TPR: variants seen among roughly 807,000 people sequenced by gnomAD.
TPR encodes translocated promoter region, nuclear basket protein, also known as nucleoprotein TPR.
In TPR, 51 loss-of-function variants were observed where a neutral mutation model predicts 316.1. The observed-to-expected ratio is 0.16, with a 90% confidence interval of 0.13 to 0.20. The LOEUF (loss-of-function observed/expected upper bound fraction) is 0.20. Ranked by LOEUF, TPR falls within the 10% of genes least tolerant of loss-of-function variation. The pLI is 1.00. For synonymous variants in TPR, 981 were observed against 914.7 expected (o/e 1.07, Z -1.31); for missense variants, 2,272 against 2,754.8 (o/e 0.82, Z 3.92).
chr1:186,348,378 T>C (rs887737570), intron 21 of TPR, among the ~76,000 whole-genome samples: 6 of 152,130 alleles, frequency 3.9e-5, no homozygotes, highest in Non-Finnish European at 8.8e-5. Context: ...AAATTTGTGG[T>C]CAGACCGGTT....
At chr1:186,315,206 C>CAA (rs200336536) in intron 49 of TPR, among the ~76,000 whole-genome samples, 20 of 111,080 alleles carry the variant, frequency 1.8e-4, no homozygotes, top group Non-Finnish European at 2.4e-4. Flanking sequence ...GGCCCTGTCT[C>CAA]AAAAAAAAAA....
At chr1:186,361,948 C>T (rs945551388) in intron 7 of TPR, 79 bp from the exon 8 acceptor site, 28 of 1,430,166 alleles carry the variant, frequency 2.0e-5, no homozygotes, top group Non-Finnish European at 2.2e-5. Context: ...ATGAAAAATT[C>T]CATTTTTGTA....
chr1:186,350,208 A>C lies in TPR; in HGVS notation c.2776+15T>G, dbSNP rs1289804304. On this transcript the variant is annotated intron_variant, in intron 21 of 50. Coordinates refer to ENST00000367478, the MANE Select transcript of TPR (RefSeq NM_003292.3). ...TGTTTATTTACAATTATATTGGTCT[A>C]CTTATTTTATTTACCTTTACCAGTT... 1 of 1,590,806 alleles carries C rather than the reference A, an allele frequency of 6.3e-7. No homozygotes were observed. The highest frequency in any genetic ancestry group is 8.5e-7 in the Non-Finnish European group (1 of 1,171,202).
intron 21 of TPR, among the ~76,000 whole-genome samples, chr1:186,348,385 G>A (rs141668326): frequency 2.6e-5 from 4 of 152,100 alleles, no homozygotes; most frequent in African/African-American, 4.8e-5. Context: ...TGGTCAGACC[G>A]GTTCTCTGCT....
At chr1:186,349,642 A>G (rs1424522943) in intron 21 of TPR, among the ~76,000 whole-genome samples, 11 of 151,454 alleles carry the variant, frequency 7.3e-5, no homozygotes, top group Non-Finnish European at 1.0e-4. Flanking sequence ...CCTGGGCAAC[A>G]GTGCGAGACT....
intron 49 of TPR, 45 bp from the exon 50 acceptor site, chr1:186,314,769 GAAAGCATTT>G (rs1213669746): frequency 7.5e-7 from 1 of 1,330,162 alleles, no homozygotes. Context: ...GAAAAAATGA[GAAAGCATTT>G]ATAATGATAC....
intron 2 of TPR, among the ~76,000 whole-genome samples, chr1:186,372,313 G>A (rs1358438336): frequency 1.3e-5 from 2 of 152,166 alleles, no homozygotes; most frequent in African/African-American, 2.4e-5. Flanking sequence ...ACGCCGAGGC[G>A]GGAGAATCGC....
Position 186,362,903 on chromosome 1 carries a change from A to G in TPR, c.630T>C (p.Ala210=). 1 of 1,611,494 alleles carries G rather than the reference A, an allele frequency of 6.2e-7. No homozygotes were observed. Among genetic ancestry groups the G allele is most frequent in the Non-Finnish European group, 8.5e-7 (1 of 1,178,946 alleles). Residue 210 remains alanine (A), a synonymous_variant, in exon 6 of 51, where the codon GCT becomes GCC. Coordinates refer to ENST00000367478, the MANE Select transcript of TPR (RefSeq NM_003292.3). The part of the protein sequence containing the change: ...ELKTKTDELL[A]LGREKGNEIL... Reference sequence around the variant, plus strand: ...TCTCATTCCCTTTTTCTCTTCCAAGAGCCAGAAGTTCATCAGTTTTGGTTT... The same window carrying G: ...TCTCATTCCCTTTTTCTCTTCCAAGGGCCAGAAGTTCATCAGTTTTGGTTT...
chr1:186,346,697 C>A lies in TPR; in HGVS notation c.2944-410G>T, dbSNP rs943071504. Among the ~76,000 whole-genome samples, 57 of 151,990 alleles carry A rather than the reference C, an allele frequency of 3.8e-4. 1 individual carries two copies. The highest frequency in any genetic ancestry group is 1.4e-3 in the African/African-American group (56 of 41,374). ...ATTGCTACAGCCTTCAAAATGAACA[C>A]GGTATCTTCCAATCTACCACATTAA... is the stretch of plus-strand genomic sequence containing the variant. On this transcript the variant is annotated intron_variant, in intron 22 of 50. Transcript: ENST00000367478.
chr1:186,329,322 T>C (rs767364273), intron 39 of TPR, among the ~76,000 whole-genome samples: 15 of 152,214 alleles, frequency 9.9e-5, no homozygotes, highest in Non-Finnish European at 2.2e-4. Flanking sequence ...AAAGATATCA[T>C]TTATAGTACG....
chr1:186,318,435 A>G lies in TPR; in HGVS notation c.6821+12T>C. The G allele has an allele frequency of 6.2e-7, 1 of 1,603,760 alleles. No individual in the cohort carries two copies. The highest frequency in any genetic ancestry group is 8.5e-7 in the Non-Finnish European group (1 of 1,176,408). ...GACTAAAGCAAGCAAAAACAACAAAATAAACTTTTACCCTTCAGATTCTGC... is the reference window on the plus strand; with the variant it reads ...GACTAAAGCAAGCAAAAACAACAAAGTAAACTTTTACCCTTCAGATTCTGC... On this transcript the variant is annotated intron_variant, in intron 48 of 50. Transcript: ENST00000367478.
chr1:186,360,865 TTGC>T lies in TPR; in HGVS notation c.996_998del (p.Gln333del). 2.5e-6 allele frequency: 4 copies of T among 1,612,832 alleles called. No homozygotes were observed. Among genetic ancestry groups the T allele is most frequent in the Non-Finnish European group, 3.4e-6 (4 of 1,179,236 alleles). On this transcript the variant is annotated inframe_deletion, in exon 10 of 51. Coordinates refer to ENST00000367478, the MANE Select transcript of TPR (RefSeq NM_003292.3). ...TTTCTTTTTCCATTTGATCTTTGGATTGCTCCACCTCTAGAAGATGATCTTGTA... is the reference window on the plus strand; with the variant it reads ...TTTCTTTTTCCATTTGATCTTTGGATTCCACCTCTAGAAGATGATCTTGTA...
At chr1:186,329,110 A>C (rs1329760209) in intron 39 of TPR, among the ~76,000 whole-genome samples, 1 of 152,200 alleles carries the variant, frequency 6.6e-6, no homozygotes, top group Non-Finnish European at 1.5e-5. Flanking sequence ...GAACTGTTAC[A>C]CATTCAGTAG....
At chr1:186,333,761 T>G (rs771872586) in intron 36 of TPR, among the ~76,000 whole-genome samples, 2 of 152,180 alleles carry the variant, frequency 1.3e-5, no homozygotes, top group Non-Finnish European at 2.9e-5. Flanking sequence ...ATATTTAGTT[T>G]ATTGGATGTA....
chr1:186,336,219 A>C (rs1260498021), intron 33 of TPR, among the ~76,000 whole-genome samples: 2 of 152,188 alleles, frequency 1.3e-5, no homozygotes. Context: ...GTCACAAGAT[A>C]GAATTGTTAT....
Position 186,337,175 on chromosome 1 carries a change from A to G in TPR, c.4363-19T>C. 6.2e-7 allele frequency: 1 copy of G among 1,602,826 alleles called. No individual in the cohort carries two copies. The highest frequency in any genetic ancestry group is 8.5e-7 in the Non-Finnish European group (1 of 1,173,134). The stretch of plus-strand genomic sequence containing the variant: ...CCATAACCTAAGACAACAAACAGTA[A>G]TAATACACTCACATATTTATATTCA... On this transcript the variant is annotated intron_variant, in intron 31 of 50. Coordinates refer to ENST00000367478, the MANE Select transcript of TPR (RefSeq NM_003292.3).
chr1:186,345,405 T>C (rs1318695077), intron 24 of TPR, among the ~76,000 whole-genome samples, 175 bp downstream of exon 24: 3 of 152,210 alleles, frequency 2.0e-5, no homozygotes, highest in Non-Finnish European at 4.4e-5. Context: ...TATTGCCCTA[T>C]GTATTTATTT....
rs1659197460 is a variant in TPR at position 186,361,768 on chromosome 1, CAT to C, written c.870+19_870+20del. 5.6e-6 allele frequency: 9 copies of C among 1,612,850 alleles called. No homozygotes were observed. The highest frequency in any genetic ancestry group is 2.2e-5 in the East Asian group (1 of 44,834). On this transcript the variant is annotated intron_variant, in intron 8 of 50. Coordinates refer to ENST00000367478, the MANE Select transcript of TPR (RefSeq NM_003292.3). ...CAACAATGCAACATTTAGATACTAACATGTGTGGTGGGATATTTACCTTGTAC... is the reference window on the plus strand; with the variant it reads ...CAACAATGCAACATTTAGATACTAACGTGTGGTGGGATATTTACCTTGTAC...
rs765723489 is a variant in TPR, at chr1:186,362,370, A to T, written c.707T>A (p.Leu236Gln). The change falls in exon 7 of 51, where the codon CTG becomes CAG. Residue 236 changes from leucine (L) to glutamine (Q), a missense_variant. Physicochemically the swap from Leu to Gln is moderately radical, Grantham distance 113. Transcript: ENST00000367478. ...TTTTAAGCCATTCATTTGTTCTTCC[A>T]GTCTAGAAACCTAAAAACAAAAAAT... is the stretch of plus-strand genomic sequence containing the variant. The part of the protein sequence containing the change: ...LENKKEEVSR[L>Q]EEQMNGLKTS... 16 of 1,611,650 alleles carry T rather than the reference A, an allele frequency of 9.9e-6. No homozygotes were observed. The highest frequency in any genetic ancestry group is 1.7e-6 in the Non-Finnish European group (2 of 1,178,538).
Sources: gnomAD v4.1 joint callset for allele counts (sites outside exome capture counted in the v4.1 genomes callset) on GRCh38, gnomAD v4.1.1 for gene constraint, MANE v1.5 for transcripts, NCBI Gene and HGNC (gene_info 2026-07-23, HGNC 2026-07-21) for gene names.